PRKCB: variants seen among roughly 807,000 people sequenced by gnomAD.
PRKCB encodes protein kinase C beta type.
In PRKCB, 13 loss-of-function variants were observed where a neutral mutation model predicts 81.5. That is an observed-to-expected ratio of 0.16 (90% CI 0.10 to 0.25). The LOEUF (loss-of-function observed/expected upper bound fraction) is 0.25. PRKCB is among the 10% of genes least tolerant of loss of function. The pLI is 1.00. For synonymous variants in PRKCB, 335 were observed against 321.4 expected, an observed-to-expected ratio of 1.04 and a Z score of -0.45; for missense variants, 509 against 875.7, an observed-to-expected ratio of 0.58 and a Z score of 5.29.
intron 2 of PRKCB, among the ~76,000 whole-genome samples, chr16:23,887,556 C>T (rs115980552): frequency 0.015 from 2,214 of 152,302 alleles, 41 homozygotes; most frequent in African/African-American, 0.051. Flanking sequence ...TGTAGTATTC[C>T]ATAGTGTATA....
chr16:23,974,291 G>A (rs1964597526), intron 2 of PRKCB, among the ~76,000 whole-genome samples: 1 of 152,168 alleles, frequency 6.6e-6, no homozygotes, highest in Non-Finnish European at 1.5e-5. Context: ...GGACAGAGAG[G>A]TGTGGGGTTC....
intron 2 of PRKCB, among the ~76,000 whole-genome samples, chr16:23,915,100 C>T (rs1178019287): frequency 6.6e-6 from 1 of 152,212 alleles, no homozygotes; most frequent in Non-Finnish European, 1.5e-5. Context: ...TTGGCAGCCT[C>T]TCCCCTACCC....
At chr16:24,002,336 T>TGCGTGC (rs1236151751) in intron 3 of PRKCB, among the ~76,000 whole-genome samples, 7 of 151,806 alleles carry the variant, frequency 4.6e-5, no homozygotes, top group African/African-American at 1.7e-4. Flanking sequence ...TGCGTGTGTG[T>TGCGTGC]GTGTGCGTGC....
chr16:24,003,785 T>G (rs1377331553), intron 3 of PRKCB, among the ~76,000 whole-genome samples: 1 of 152,200 alleles, frequency 6.6e-6, no homozygotes. Flanking sequence ...CTGGATCCCA[T>G]GGCATCCCTT....
rs140931038 is a variant in PRKCB at position 24,218,682 on chromosome 16, G to C, written c.*3866G>C. On this transcript the variant is annotated 3_prime_UTR_variant, in exon 17 of 17. Transcript: ENST00000643927. ...CCTTAACAGCTAGTGCCCATTAGGG[G>C]GCTAAACCTAAAGCCTGGGTGGTGA... is the stretch of plus-strand genomic sequence containing the variant. 7 of 985,436 alleles carry C rather than the reference G, an allele frequency of 7.1e-6. No homozygotes were observed. The East Asian group carries it at 7.9e-4, about 112-fold the overall frequency. The allele number at this position is 985,436 out of a possible 1,614,324, so 61.0% of individuals were successfully genotyped here.
At chr16:23,901,662 G>A (rs1963474610) in intron 2 of PRKCB, among the ~76,000 whole-genome samples, 2 of 152,204 alleles carry the variant, frequency 1.3e-5, no homozygotes, top group African/African-American at 4.8e-5. Context: ...CAACCAGCCT[G>A]TTCAGGTTCC....
chr16:24,204,907 G>A (rs1371651780), intron 16 of PRKCB, among the ~76,000 whole-genome samples: 1 of 152,074 alleles, frequency 6.6e-6, no homozygotes, highest in Admixed American at 6.5e-5. Flanking sequence ...AGATCACGAG[G>A]TCAGGAGTTC....
intron 5 of PRKCB, among the ~76,000 whole-genome samples, chr16:24,072,755 T>G (rs1411118350): frequency 6.6e-6 from 1 of 152,118 alleles, no homozygotes; most frequent in African/African-American, 2.4e-5. Flanking sequence ...CTAATTTTTG[T>G]ATTTTTAGTA....
At chr16:24,056,920 A>G (rs962348485) in intron 5 of PRKCB, among the ~76,000 whole-genome samples, 13 of 152,184 alleles carry the variant, frequency 8.5e-5, no homozygotes, top group African/African-American at 3.1e-4. Flanking sequence ...TAGCCTTGCT[A>G]TTGGTGAGTC....
chr16:23,870,074 T>A (rs961123376), intron 2 of PRKCB, among the ~76,000 whole-genome samples: 1 of 151,854 alleles, frequency 6.6e-6, no homozygotes, highest in Non-Finnish European at 1.5e-5. Flanking sequence ...AGCTAGGTAC[T>A]GTTGGCAGAC....
chr16:23,846,885 G>A (rs1363694737), intron 2 of PRKCB, among the ~76,000 whole-genome samples: 1 of 152,084 alleles, frequency 6.6e-6, no homozygotes, highest in African/African-American at 2.4e-5. Flanking sequence ...GAAGTGCTAA[G>A]CTGTTAATCA....
intron 3 of PRKCB, 48 bp from the exon 4 acceptor site, chr16:24,032,088 G>A: frequency 7.4e-7 from 1 of 1,353,764 alleles, no homozygotes; most frequent in African/African-American, 1.4e-5. Context: ...TGAACCGTTG[G>A]CATGCTCCAC....
intron 2 of PRKCB, among the ~76,000 whole-genome samples, chr16:23,898,349 G>T (rs960699083): frequency 6.6e-6 from 1 of 152,124 alleles, no homozygotes; most frequent in Admixed American, 6.5e-5. Context: ...TTATAGGCGT[G>T]AGCCACCGCA....
Position 24,217,146 on chromosome 16 carries a change from A to G in PRKCB, c.*2330A>G, listed in dbSNP as rs927425479. The G allele has an allele frequency of 2.0e-6, 2 of 981,606 alleles. No homozygotes were observed. The highest frequency in any genetic ancestry group is 3.5e-5 in the African/African-American group (2 of 56,990). 60.8% of individuals were successfully genotyped at this position (981,606 alleles called of 1,614,324 possible). A position where few individuals can be genotyped will look rare whatever the true frequency, so the allele number is the denominator to read the frequency against. ...GGAAAGAAAGAAAGAGAAAGGAAGG[A>G]AGGAAAGAAGGAAGGAAAAGAAGGA... On this transcript the variant is annotated 3_prime_UTR_variant, in exon 17 of 17. Transcript: ENST00000643927.
At chr16:23,916,487 G>A (rs1597244282) in intron 2 of PRKCB, among the ~76,000 whole-genome samples, 1 of 152,018 alleles carries the variant, frequency 6.6e-6, no homozygotes, top group South Asian at 2.1e-4. Context: ...AATTAAAAAG[G>A]CACAAGAGCT....
At chr16:24,077,640 T>C (rs982872197) in intron 5 of PRKCB, among the ~76,000 whole-genome samples, 7 of 152,184 alleles carry the variant, frequency 4.6e-5, no homozygotes, top group African/African-American at 1.7e-4. Context: ...GCACTCTCTT[T>C]TAGTGCTTCT....
intron 2 of PRKCB, among the ~76,000 whole-genome samples, chr16:23,912,143 T>G (rs1963668060): frequency 6.6e-6 from 1 of 152,012 alleles, no homozygotes; most frequent in African/African-American, 2.4e-5. Flanking sequence ...CGCCACCCCT[T>G]TATACCCTCC....
At chr16:24,133,898 A>ATTT (rs113809790) in intron 9 of PRKCB, among the ~76,000 whole-genome samples, 8 of 141,356 alleles carry the variant, frequency 5.7e-5, no homozygotes, top group South Asian at 2.3e-4. Context: ...CCTAGTTTAA[A>ATTT]TTTTTTTTTT....
chr16:24,185,438 C>T (rs765786072), intron 14 of PRKCB, 22 bp from the exon 15 acceptor site: 22 of 1,598,648 alleles, frequency 1.4e-5, no homozygotes, highest in Middle Eastern at 3.3e-4. Flanking sequence ...TTCTTCTCCT[C>T]CCACCCTCCC....
Sources: gnomAD v4.1 joint callset for allele counts (sites outside exome capture counted in the v4.1 genomes callset) on GRCh38, gnomAD v4.1.1 for gene constraint, MANE v1.5 for transcripts, NCBI Gene and HGNC (gene_info 2026-07-23, HGNC 2026-07-21) for gene names.